ITGB6: variants seen among roughly 807,000 people sequenced by gnomAD.
The protein encoded by ITGB6 is integrin beta-6.
ITGB6 carries 80 observed loss-of-function variants against 84.5 expected under a neutral mutation model. That is an observed-to-expected ratio of 0.95 (90% confidence interval 0.79 to 1.14). ITGB6 has a LOEUF of 1.14. Among genes scored for constraint, ITGB6 ranks in the 50% most tolerant of loss-of-function variants. The pLI is 0.00. For synonymous variants in ITGB6, 383 were observed against 354.9 expected (o/e 1.08, Z -0.89); for missense variants, 1,006 against 968.0 (o/e 1.04, Z -0.52).
At chr2:160,116,119 C>A (rs1416971840) in intron 12 of ITGB6, among the ~76,000 whole-genome samples, 1 of 147,902 alleles carries the variant, frequency 6.8e-6, no homozygotes. Context: ...CTTCCCCAAT[C>A]TAGCAAGGCA....
chr2:160,192,131 C>T (rs1686165211), intron 4 of ITGB6, among the ~76,000 whole-genome samples: 1 of 151,904 alleles, frequency 6.6e-6, no homozygotes. Context: ...CAAGTTGATT[C>T]TAAAATTTAT....
intron 7 of ITGB6, among the ~76,000 whole-genome samples, chr2:160,145,882 G>A (rs903876622): frequency 3.3e-5 from 5 of 152,146 alleles, no homozygotes; most frequent in African/African-American, 7.2e-5. Flanking sequence ...TTCCTGCTCC[G>A]ACTGTATCTC....
chr2:160,152,548 T>C (rs1684466888), intron 7 of ITGB6, among the ~76,000 whole-genome samples: 1 of 152,198 alleles, frequency 6.6e-6, no homozygotes, highest in Non-Finnish European at 1.5e-5. Flanking sequence ...AAGACAGGGA[T>C]GCCCTCTCTC....
chr2:160,137,481 T>C lies in ITGB6; in HGVS notation c.1613A>G (p.Gln538Arg), dbSNP rs756353631. Reference protein sequence around the residue: ...PYGNIYGPYCQCDNFSCVRHK... With the variant: ...PYGNIYGPYCRCDNFSCVRHK... Reference sequence around the variant, plus strand: ...TCTCACGCAGGAGAAATTGTCACACTGGCAATAAGGCCCATAAATGTTTCC... The same window carrying C: ...TCTCACGCAGGAGAAATTGTCACACCGGCAATAAGGCCCATAAATGTTTCC... The change falls in exon 10 of 15, where the codon CAG (glutamine) becomes CGG (arginine). Residue 538 changes from glutamine (Q) to arginine (R), a missense_variant. Transcript: ENST00000283249. 3.1e-6 allele frequency: 5 copies of C among 1,613,590 alleles called. No homozygotes were observed. The highest frequency in any genetic ancestry group is 1.1e-5 in the South Asian group (1 of 91,084).
At chr2:160,165,676 C>A (rs1338723312) in intron 7 of ITGB6, among the ~76,000 whole-genome samples, 3 of 152,138 alleles carry the variant, frequency 2.0e-5, no homozygotes, top group Admixed American at 1.3e-4. Flanking sequence ...GCATATGCGG[C>A]TGCTGTTTAT....
intron 7 of ITGB6, among the ~76,000 whole-genome samples, chr2:160,153,294 A>G (rs946278475): frequency 2.0e-5 from 3 of 152,288 alleles, no homozygotes; most frequent in African/African-American, 7.2e-5. Flanking sequence ...CACATCTACA[A>G]CCATCTGATC....
rs143894951 is a variant in ITGB6, at chr2:160,108,911, T to G, written c.2102-1066A>C. On this transcript the variant is annotated intron_variant, in intron 13 of 14. Coordinates refer to ENST00000283249, the MANE Select transcript of ITGB6 (RefSeq NM_000888.5). ...AGATGATACATTTCTTAATGAAACA[T>G]TATAATTATGTTCTCCTCTTACTTT... Among the ~76,000 whole-genome samples the G allele has an allele frequency of 7.9e-5, 12 of 152,314 alleles. No homozygotes were observed. The East Asian group carries it at 2.3e-3, about 29-fold the overall frequency.
At chr2:160,104,191 G>A (rs1696822171) in intron 14 of ITGB6, among the ~76,000 whole-genome samples, 1 of 152,174 alleles carries the variant, frequency 6.6e-6, no homozygotes, top group South Asian at 2.1e-4. Context: ...AAGAGGGTAA[G>A]GTGGAAGTGT....
chr2:160,197,867 C>A (rs1212347487), intron 2 of ITGB6, among the ~76,000 whole-genome samples: 1 of 152,234 alleles, frequency 6.6e-6, no homozygotes, highest in Non-Finnish European at 1.5e-5. Context: ...CTGCCCTAAG[C>A]AGAAGCCTAA....
chr2:160,101,128 AT>A lies in ITGB6; in HGVS notation c.*607del, dbSNP rs2105764622. ...TACTTATTCCTTATTTGTAAAACAA[AT>A]AAAATATTTGTGTACTTAACGTTTA... On this transcript the variant is annotated 3_prime_UTR_variant, in exon 15 of 15. Coordinates refer to ENST00000283249, the MANE Select transcript of ITGB6 (RefSeq NM_000888.5). The A allele has an allele frequency of 6.6e-6, 1 of 152,298 alleles. No homozygotes were observed. The highest frequency in any genetic ancestry group is 6.5e-5 in the Admixed American group (1 of 15,298). The allele number at this position is 152,298 out of a possible 1,614,324, so 9.4% of individuals were successfully genotyped here. A position where few individuals can be genotyped will look rare whatever the true frequency, so the allele number is the denominator to read the frequency against.
At chr2:160,149,492 T>A (rs1299071360) in intron 7 of ITGB6, among the ~76,000 whole-genome samples, 1 of 152,154 alleles carries the variant, frequency 6.6e-6, no homozygotes, top group Non-Finnish European at 1.5e-5. Context: ...ATCACAAAGA[T>A]GGGGAGAAAC....
At chr2:160,150,659 T>C (rs1024986384) in intron 7 of ITGB6, among the ~76,000 whole-genome samples, 2 of 152,096 alleles carry the variant, frequency 1.3e-5, no homozygotes, top group African/African-American at 2.4e-5. Flanking sequence ...AGACACAGAC[T>C]GGCAAATTGG....
intron 7 of ITGB6, among the ~76,000 whole-genome samples, chr2:160,155,761 C>A (rs1684601365): frequency 6.6e-6 from 1 of 152,098 alleles, no homozygotes; most frequent in Non-Finnish European, 1.5e-5. Flanking sequence ...CTAAACGATT[C>A]TACATATCAA....
At chr2:160,109,942 T>C (rs1033112144) in intron 13 of ITGB6, among the ~76,000 whole-genome samples, 1 of 152,198 alleles carries the variant, frequency 6.6e-6, no homozygotes, top group Non-Finnish European at 1.5e-5. Flanking sequence ...TTTATACTGA[T>C]TACACGTTGA....
Position 160,169,279 on chromosome 2 carries a change from T to A in ITGB6, c.950A>T (p.Asp317Val). ...TAACACGTTGTTTTGTACCAGTTTATCAATGAGTTGTCCAATTGTTGGATA... is the reference window on the plus strand; with the variant it reads ...TAACACGTTGTTTTGTACCAGTTTAACAATGAGTTGTCCAATTGTTGGATA... The part of the protein sequence containing the change: ...LEYPTIGQLI[D>V]KLVQNNVLLI... Residue 317 changes from aspartate to valine, a missense_variant, in exon 7 of 15, where the codon GAT becomes GTT. Physicochemically the swap from Asp to Val is radical, Grantham distance 152. Coordinates refer to ENST00000283249, the MANE Select transcript of ITGB6 (RefSeq NM_000888.5). 6.2e-7 allele frequency: 1 copy of A among 1,601,204 alleles called. No homozygotes were observed. The highest frequency in any genetic ancestry group is 1.1e-5 in the South Asian group (1 of 89,006).
chr2:160,177,384 G>A (rs544574702), intron 4 of ITGB6, among the ~76,000 whole-genome samples: 3 of 152,050 alleles, frequency 2.0e-5, no homozygotes, highest in African/African-American at 7.2e-5. Flanking sequence ...GGCTAACACG[G>A]TGAAACCCCA....
chr2:160,175,431 T>G (rs1685381208), intron 4 of ITGB6, among the ~76,000 whole-genome samples: 1 of 152,210 alleles, frequency 6.6e-6, no homozygotes, highest in African/African-American at 2.4e-5. Flanking sequence ...AGCATCTCCC[T>G]ATATGCACAT....
intron 7 of ITGB6, among the ~76,000 whole-genome samples, chr2:160,144,337 A>G (rs1035420004): frequency 2.6e-5 from 4 of 152,018 alleles, no homozygotes; most frequent in African/African-American, 9.7e-5. Context: ...ATGATGGAGG[A>G]CCCCCTTTTG....
chr2:160,122,349 T>A (rs1559109441), intron 12 of ITGB6, among the ~76,000 whole-genome samples: 2 of 152,228 alleles, frequency 1.3e-5, no homozygotes, highest in African/African-American at 4.8e-5. Context: ...ACCTTGTTCA[T>A]GCCATTATGA....
Sources: allele counts gnomAD v4.1 joint callset (sites outside exome capture counted in the v4.1 genomes callset), GRCh38; gene constraint gnomAD v4.1.1; transcripts MANE v1.5; gene names NCBI Gene and HGNC (gene_info 2026-07-23, HGNC 2026-07-21).